Variants in GRM7 observed in about 807,000 individuals in gnomAD.
GRM7 encodes metabotropic glutamate receptor 7.
In GRM7, 35 loss-of-function variants were observed where a neutral mutation model predicts 84.5. That is an observed-to-expected ratio of 0.41 (90% CI 0.32 to 0.55). The LOEUF is 0.55. GRM7 is among the 20% of genes least tolerant of loss of function. The pLI is 0.19. For synonymous variants in GRM7, 487 were observed against 455.1 expected (o/e 1.07, Z -0.89); for missense variants, 1,003 against 1,194.6 (o/e 0.84, Z 2.36).
chr3:6,951,444 AC>A (rs1692759541), intron 1 of GRM7, among the ~76,000 whole-genome samples: 1 of 152,094 alleles, frequency 6.6e-6, no homozygotes, highest in African/African-American at 2.4e-5. Context: ...CCCCTTAAGT[AC>A]TACTTTAGTG....
intron 7 of GRM7, among the ~76,000 whole-genome samples, chr3:7,563,684 T>A (rs1694132904): frequency 6.6e-6 from 1 of 152,162 alleles, no homozygotes; most frequent in African/African-American, 2.4e-5. Flanking sequence ...AAGAGGCCAA[T>A]GAAACTGGAG....
intron 7 of GRM7, among the ~76,000 whole-genome samples, chr3:7,465,769 A>G (rs1420458417): frequency 6.6e-6 from 1 of 152,222 alleles, no homozygotes; most frequent in Non-Finnish European, 1.5e-5. Flanking sequence ...CTCTGTGGTC[A>G]GTAATTGCAA....
At chr3:7,014,607 C>T (rs918049174) in intron 1 of GRM7, among the ~76,000 whole-genome samples, 1 of 152,168 alleles carries the variant, frequency 6.6e-6, no homozygotes, top group Admixed American at 6.5e-5. Context: ...TGAGCCACCA[C>T]ACCTGGCCAT....
In GRM7 at chr3:7,705,029, T is replaced by C. The variant is rs1208285987; in HGVS notation, c.2698+24734T>C. ...CAAGGCTTGTGCTGGCTAGACATGA[T>C]AAGCAAGATTACCCCCCAGGTCTTG... On this transcript the variant is annotated intron_variant, in intron 9 of 9. Transcript: ENST00000357716. 6.6e-5 allele frequency among the ~76,000 whole-genome samples: 10 copies of C among 152,212 alleles called. 1 individual carries two copies. In the South Asian group the frequency reaches 1.7e-3, roughly 25 times the overall value.
chr3:7,074,507 CATT>C (rs767889734), intron 1 of GRM7, among the ~76,000 whole-genome samples: 11 of 152,088 alleles, frequency 7.2e-5, no homozygotes, highest in Admixed American at 3.9e-4. Context: ...TGTTCTGCGA[CATT>C]ATAAATACAA....
chr3:7,117,970 C>G (rs750251725), intron 1 of GRM7, among the ~76,000 whole-genome samples: 67 of 152,088 alleles, frequency 4.4e-4, no homozygotes, highest in Non-Finnish European at 8.5e-4. Context: ...GGGGTGGGGG[C>G]CTTGTAGAAA....
chr3:6,941,501 G>A (rs1367988745), intron 1 of GRM7, among the ~76,000 whole-genome samples: 1 of 152,202 alleles, frequency 6.6e-6, no homozygotes, highest in Admixed American at 6.5e-5. Context: ...AAGAGAAATT[G>A]AGGATGAAGA....
At chr3:7,186,426 C>T (rs1472522198) in intron 2 of GRM7, among the ~76,000 whole-genome samples, 1 of 152,090 alleles carries the variant, frequency 6.6e-6, no homozygotes, top group Non-Finnish European at 1.5e-5. Flanking sequence ...TGTACAAGAA[C>T]TTGCAATAAA....
intron 2 of GRM7, among the ~76,000 whole-genome samples, chr3:7,234,145 A>G (rs144497201): frequency 9.8e-5 from 15 of 152,304 alleles, no homozygotes; most frequent in African/African-American, 2.9e-4. Flanking sequence ...GAACAAAATT[A>G]TGTTTCATAT....
At position 7,549,320 on chromosome 3, in the gene GRM7, A is replaced by C. The variant is rs539444716; in HGVS notation, c.1516-29102A>C. On this transcript the variant is annotated intron_variant, in intron 7 of 9. Coordinates refer to ENST00000357716, the MANE Select transcript of GRM7 (RefSeq NM_000844.4). ...GTATCTGTTGGGTCTGTATGGTGGA[A>C]ATACTGTATAATTGTATGCTACATT... 5.9e-5 allele frequency among the ~76,000 whole-genome samples: 9 copies of C among 152,292 alleles called. No individual in the cohort carries two copies. In the East Asian group the frequency reaches 1.7e-3, roughly 29 times the overall value.
intron 1 of GRM7, among the ~76,000 whole-genome samples, chr3:6,939,866 A>G (rs192188962): frequency 6.6e-6 from 1 of 152,244 alleles, no homozygotes; most frequent in East Asian, 1.9e-4. Flanking sequence ...TGTTACCCAT[A>G]TTCTAGGCTA....
chr3:7,493,481 T>C (rs915183759), intron 7 of GRM7, among the ~76,000 whole-genome samples: 2 of 152,002 alleles, frequency 1.3e-5, no homozygotes, highest in African/African-American at 2.4e-5. Context: ...AATATTAATA[T>C]AGCCACTCTT....
chr3:7,196,412 A>C (rs950057918), intron 2 of GRM7, among the ~76,000 whole-genome samples: 1 of 152,134 alleles, frequency 6.6e-6, no homozygotes, highest in South Asian at 2.1e-4. Context: ...CATACAGTGA[A>C]CTATGCCACT....
Position 6,861,986 on chromosome 3 carries a change from G to C in GRM7, c.519+79G>C. The C allele has an allele frequency of 8.1e-7, 1 of 1,235,364 alleles. No homozygotes were observed. Among genetic ancestry groups the C allele is most frequent in the Non-Finnish European group, 1.1e-6 (1 of 877,242 alleles). 76.5% of individuals were successfully genotyped at this position (1,235,364 alleles called of 1,614,324 possible). A position where few individuals can be genotyped will look rare whatever the true frequency, so the allele number is the denominator to read the frequency against. On this transcript the variant is annotated intron_variant, in intron 1 of 9. Coordinates refer to ENST00000357716, the MANE Select transcript of GRM7 (RefSeq NM_000844.4). This position sits in a 1 kb window ranked among gnomAD's most constrained non-coding sequence, Gnocchi z 6.4. ...ACCCTAAAAGCTGGCTTGGACTCCG[G>C]TGGTGCGGGTCAGGTCAGCCTTCGC...
chr3:7,099,160 A>G (rs964632328), intron 1 of GRM7, among the ~76,000 whole-genome samples: 1 of 150,840 alleles, frequency 6.6e-6, no homozygotes, highest in Non-Finnish European at 1.5e-5. Context: ...CATTAGGCCC[A>G]AAGAAGTTCG....
intron 1 of GRM7, among the ~76,000 whole-genome samples, chr3:7,036,568 A>G (rs896126982): frequency 2.6e-5 from 4 of 152,224 alleles, no homozygotes; most frequent in Admixed American, 6.5e-5. Context: ...GGTATAGTCC[A>G]ACTATAATTC....
At chr3:6,885,830 A>G (rs1381712419) in intron 1 of GRM7, among the ~76,000 whole-genome samples, 1 of 152,238 alleles carries the variant, frequency 6.6e-6, no homozygotes. Flanking sequence ...CCACACAATT[A>G]ATAACTAATA....
At chr3:7,695,996 G>T (rs1214318134) in intron 9 of GRM7, among the ~76,000 whole-genome samples, 1 of 152,128 alleles carries the variant, frequency 6.6e-6, no homozygotes, top group Non-Finnish European at 1.5e-5. Flanking sequence ...GGCACATGTA[G>T]CTAGCAGCTC....
At chr3:7,500,970 G>A (rs894388525) in intron 7 of GRM7, among the ~76,000 whole-genome samples, 1 of 152,218 alleles carries the variant, frequency 6.6e-6, no homozygotes, top group African/African-American at 2.4e-5. Flanking sequence ...TCAAACTGCA[G>A]ATCTGTGAGG....
Sources: gnomAD v4.1 joint callset for allele counts (sites outside exome capture counted in the v4.1 genomes callset) on GRCh38, gnomAD v4.1.1 for gene constraint, Gnocchi (gnomAD v3.1) non-coding constraint, MANE v1.5 for transcripts, NCBI Gene and HGNC (gene_info 2026-07-23, HGNC 2026-07-21) for gene names.